FOXO1: variants seen among roughly 807,000 people sequenced by gnomAD.
The protein encoded by FOXO1 is forkhead box protein O1.
Under a neutral mutation model 44.1 loss-of-function variants are expected in FOXO1, and 6 were observed. The observed-to-expected ratio is 0.14, with a 90% CI of 0.07 to 0.27. The LOEUF (loss-of-function observed/expected upper bound fraction) is 0.27, where lower values mean the gene tolerates loss of function less well. FOXO1 is among the 10% of genes least tolerant of loss of function. The pLI is 1.00. For missense variants in FOXO1, 737 were observed against 888.8 expected (o/e 0.83, Z 2.17); for synonymous variants, 380 against 362.7 (o/e 1.05, Z -0.54).
intron 1 of FOXO1, among the ~76,000 whole-genome samples, chr13:40,658,380 T>C (rs1877922683): frequency 6.6e-6 from 1 of 152,102 alleles, no homozygotes; most frequent in Non-Finnish European, 1.5e-5. Context: ...GTTTGAAAAC[T>C]AGGGAAAGAA....
intron 1 of FOXO1, among the ~76,000 whole-genome samples, chr13:40,564,726 G>T (rs898166434): frequency 6.6e-6 from 1 of 152,182 alleles, no homozygotes; most frequent in Non-Finnish European, 1.5e-5. Context: ...CAGGACAGAG[G>T]TTCATGCCCT....
At chr13:40,653,251 G>A (rs1328820299) in intron 1 of FOXO1, among the ~76,000 whole-genome samples, 1 of 152,106 alleles carries the variant, frequency 6.6e-6, no homozygotes, top group Non-Finnish European at 1.5e-5. Context: ...ACAGGCACGA[G>A]CCACCACGCC....
At chr13:40,575,110 T>C (rs184778945) in intron 1 of FOXO1, among the ~76,000 whole-genome samples, 136 of 151,866 alleles carry the variant, frequency 9.0e-4, no homozygotes, top group Non-Finnish European at 1.5e-3. Flanking sequence ...GGAGGGAGGA[T>C]TGCTTGAGCA....
chr13:40,632,049 A>G (rs1304193784), intron 1 of FOXO1, among the ~76,000 whole-genome samples: 1 of 152,196 alleles, frequency 6.6e-6, no homozygotes, highest in Non-Finnish European at 1.5e-5. Flanking sequence ...TGGCAGGTGG[A>G]TCACGAGGTC....
At chr13:40,565,294 T>TAA (rs1874223720) in intron 1 of FOXO1, among the ~76,000 whole-genome samples, 1 of 152,120 alleles carries the variant, frequency 6.6e-6, no homozygotes, top group Non-Finnish European at 1.5e-5. Context: ...GCTTTTGATC[T>TAA]ACCTGGGGAG....
intron 1 of FOXO1, among the ~76,000 whole-genome samples, chr13:40,592,814 A>G (rs1036953408): frequency 1.4e-4 from 21 of 152,114 alleles, no homozygotes; most frequent in Non-Finnish European, 2.4e-4. Context: ...GCAGGCCCCT[A>G]TTGTCTTCCC....
At chr13:40,638,653 A>G (rs1877242529) in intron 1 of FOXO1, among the ~76,000 whole-genome samples, 1 of 152,214 alleles carries the variant, frequency 6.6e-6, no homozygotes, top group African/African-American at 2.4e-5. Context: ...AACAAGCTTC[A>G]CAAAAAAGGC....
chr13:40,567,759 G>C (rs760045920), intron 1 of FOXO1, among the ~76,000 whole-genome samples: 1 of 152,112 alleles, frequency 6.6e-6, no homozygotes, highest in African/African-American at 2.4e-5. Flanking sequence ...CACAAGATCA[G>C]GAGTTCGAGA....
chr13:40,612,204 A>G (rs1456323917), intron 1 of FOXO1, among the ~76,000 whole-genome samples: 1 of 152,230 alleles, frequency 6.6e-6, no homozygotes, highest in Non-Finnish European at 1.5e-5. Context: ...ACAATGACTC[A>G]AGGGTTACAG....
At chr13:40,641,392 AATCTCATTAT>A (rs1313569052) in intron 1 of FOXO1, among the ~76,000 whole-genome samples, 3 of 151,364 alleles carry the variant, frequency 2.0e-5, no homozygotes, top group Non-Finnish European at 4.4e-5. Context: ...CTTTGACATA[AATCTCATTAT>A]ATCTCATTAT....
intron 1 of FOXO1, among the ~76,000 whole-genome samples, chr13:40,630,809 T>C (rs912082650): frequency 1.3e-5 from 2 of 152,178 alleles, no homozygotes; most frequent in African/African-American, 4.8e-5. Flanking sequence ...TTTCTTTGTC[T>C]AAATCTTTTT....
chr13:40,607,129 T>G (rs1876028097), intron 1 of FOXO1, among the ~76,000 whole-genome samples: 1 of 152,118 alleles, frequency 6.6e-6, no homozygotes, highest in African/African-American at 2.4e-5. Context: ...CCAAGTGAGA[T>G]CTCCCTATGT....
chr13:40,654,429 A>C (rs1383375218), intron 1 of FOXO1, among the ~76,000 whole-genome samples: 1 of 146,032 alleles, frequency 6.8e-6, no homozygotes, highest in East Asian at 2.0e-4. Context: ...TGAACTCTGG[A>C]GGCGGAGGTT....
intron 1 of FOXO1, among the ~76,000 whole-genome samples, chr13:40,586,485 A>ACC: frequency 6.6e-6 from 1 of 152,148 alleles, no homozygotes; most frequent in East Asian, 1.9e-4. Context: ...CAACAGAGGC[A>ACC]CCCCCTTGTG....
At chr13:40,593,632 C>T (rs1225515833) in intron 1 of FOXO1, among the ~76,000 whole-genome samples, 1 of 152,046 alleles carries the variant, frequency 6.6e-6, no homozygotes, top group East Asian at 1.9e-4. Context: ...CAACCTATGG[C>T]TTAGTTCTAT....
chr13:40,664,578 C>G (rs965721067), intron 1 of FOXO1, among the ~76,000 whole-genome samples: 18 of 152,200 alleles, frequency 1.2e-4, no homozygotes, highest in Non-Finnish European at 8.8e-5. Flanking sequence ...AAAGCCCCCC[C>G]GCCTGGTCCT....
At chr13:40,559,069 A>G (rs1241875192) in intron 2 of FOXO1, 35 bp from the exon 3 acceptor site, 7 of 403,308 alleles carry the variant, frequency 1.7e-5, no homozygotes, top group Non-Finnish European at 3.1e-5. Context: ...ACACACACAT[A>G]CACACACAAT....
intron 1 of FOXO1, among the ~76,000 whole-genome samples, chr13:40,626,450 T>C (rs1346228316): frequency 6.6e-6 from 1 of 152,242 alleles, no homozygotes; most frequent in Non-Finnish European, 1.5e-5. Context: ...AAATGTTCTC[T>C]AGTCAGACTT....
intron 1 of FOXO1, among the ~76,000 whole-genome samples, chr13:40,574,017 T>C (rs1364425697): frequency 6.6e-6 from 1 of 152,202 alleles, no homozygotes; most frequent in Non-Finnish European, 1.5e-5. Flanking sequence ...TGTTTCAGCG[T>C]TTTCACTTTC....
Sources: gnomAD v4.1 joint callset for allele counts (sites outside exome capture counted in the v4.1 genomes callset) on GRCh38, gnomAD v4.1.1 for gene constraint, MANE v1.5 for transcripts, NCBI Gene and HGNC (gene_info 2026-07-23, HGNC 2026-07-21) for gene names.